Variants in KCNIP1 observed in about 807,000 individuals in gnomAD.
KCNIP1 encodes A-type potassium channel modulatory protein KCNIP1.
A neutral mutation model predicts 33.0 loss-of-function variants in KCNIP1; 18 were observed. The observed-to-expected ratio is 0.55, with a 90% CI of 0.38 to 0.81. KCNIP1 has a LOEUF of 0.81. Among genes scored for constraint, KCNIP1 ranks in the 30% least tolerant of loss-of-function variants. KCNIP1 has a pLI of 0.00. For missense variants in KCNIP1, 238 were observed against 271.6 expected (o/e 0.88, Z 0.87); for synonymous variants, 93 against 98.3 (o/e 0.95, Z 0.32).
intron 1 of KCNIP1, among the ~76,000 whole-genome samples, chr5:170,569,898 A>G (rs1424340843): frequency 6.6e-6 from 1 of 152,190 alleles, no homozygotes; most frequent in Non-Finnish European, 1.5e-5. Context: ...AAAGGAAGCA[A>G]TTTAGCATGG....
chr5:170,590,811 C>G (rs750044144), intron 1 of KCNIP1, among the ~76,000 whole-genome samples: 2 of 152,222 alleles, frequency 1.3e-5, no homozygotes, highest in Non-Finnish European at 2.9e-5. Context: ...CAGTGCAGCT[C>G]AGAGTGGATG....
At chr5:170,387,964 G>A (rs1764545525) in intron 1 of KCNIP1, among the ~76,000 whole-genome samples, 1 of 152,232 alleles carries the variant, frequency 6.6e-6, no homozygotes, top group Non-Finnish European at 1.5e-5. Flanking sequence ...TTCTCTCCTG[G>A]GGGAACTGGA....
At chr5:170,668,960 T>C (rs1761814202) in intron 1 of KCNIP1, among the ~76,000 whole-genome samples, 1 of 152,168 alleles carries the variant, frequency 6.6e-6, no homozygotes, top group Admixed American at 6.5e-5. Flanking sequence ...CCACTAGTCT[T>C]ACCTTCTTGG....
At chr5:170,715,427 T>G (rs1459081271) in intron 1 of KCNIP1, among the ~76,000 whole-genome samples, 1 of 152,150 alleles carries the variant, frequency 6.6e-6, no homozygotes, top group East Asian at 1.9e-4. Context: ...CATTCCACAC[T>G]CAGAAGAGTC....
At chr5:170,401,149 C>T (rs572454955) in intron 1 of KCNIP1, among the ~76,000 whole-genome samples, 1 of 152,186 alleles carries the variant, frequency 6.6e-6, no homozygotes, top group African/African-American at 2.4e-5. Flanking sequence ...GAGCCAGGAC[C>T]TTGTGCCTGA....
chr5:170,660,303 T>C (rs1761424641), intron 1 of KCNIP1, among the ~76,000 whole-genome samples: 1 of 150,868 alleles, frequency 6.6e-6, no homozygotes, highest in Non-Finnish European at 1.5e-5. Flanking sequence ...CCTCAAGATA[T>C]AATAAAAACC....
intron 1 of KCNIP1, among the ~76,000 whole-genome samples, chr5:170,596,404 C>T (rs942987634): frequency 3.3e-5 from 5 of 152,198 alleles, no homozygotes; most frequent in African/African-American, 9.7e-5. Flanking sequence ...TAGAGACCCA[C>T]GCCAGACTGC....
intron 1 of KCNIP1, among the ~76,000 whole-genome samples, chr5:170,521,645 C>G (rs1050463878): frequency 6.6e-6 from 1 of 152,170 alleles, no homozygotes; most frequent in African/African-American, 2.4e-5. Context: ...ACAGCATGCA[C>G]CATCGGCCAC....
intron 1 of KCNIP1, among the ~76,000 whole-genome samples, chr5:170,704,933 T>G (rs1763207987): frequency 6.6e-6 from 1 of 152,180 alleles, no homozygotes; most frequent in Non-Finnish European, 1.5e-5. Context: ...CTTTTTATGA[T>G]GGTTTCATTT....
At chr5:170,362,016 GC>G (rs1337893477) in intron 1 of KCNIP1, among the ~76,000 whole-genome samples, 1 of 152,150 alleles carries the variant, frequency 6.6e-6, no homozygotes, top group African/African-American at 2.4e-5. Flanking sequence ...GATTTCAAAG[GC>G]CTCTTTCAGC....
At chr5:170,419,740 T>C (rs941387661) in intron 1 of KCNIP1, among the ~76,000 whole-genome samples, 2 of 152,258 alleles carry the variant, frequency 1.3e-5, no homozygotes, top group African/African-American at 4.8e-5. Flanking sequence ...CTGTTAATAA[T>C]TGCATTGGGA....
intron 1 of KCNIP1, among the ~76,000 whole-genome samples, chr5:170,429,584 C>A (rs1755695624): frequency 6.6e-6 from 1 of 152,052 alleles, no homozygotes; most frequent in Non-Finnish European, 1.5e-5. Context: ...ATATTGTACC[C>A]ATCAACTAAT....
chr5:170,651,190 G>C (rs1223757640), intron 1 of KCNIP1, among the ~76,000 whole-genome samples: 1 of 152,120 alleles, frequency 6.6e-6, no homozygotes, highest in African/African-American at 2.4e-5. Context: ...TAACAGTCAG[G>C]GCTCCCAGAG....
chr5:170,630,156 AGAG>A (rs1455452269), intron 1 of KCNIP1, among the ~76,000 whole-genome samples: 3 of 151,940 alleles, frequency 2.0e-5, no homozygotes, highest in Non-Finnish European at 4.4e-5. Context: ...CGAGGGATAC[AGAG>A]AAGATCTAGG....
chr5:170,383,633 C>T, intron 1 of KCNIP1: 2 of 1,605,528 alleles, frequency 1.2e-6, no homozygotes, highest in Non-Finnish European at 1.7e-6. Context: ...GGCTCACACA[C>T]CTGACAGGGA....
chr5:170,366,180 A>G (rs192392744), intron 1 of KCNIP1, among the ~76,000 whole-genome samples: 10 of 152,238 alleles, frequency 6.6e-5, no homozygotes, highest in Non-Finnish European at 1.2e-4. Flanking sequence ...CAAGCTCTTC[A>G]TGTCCAGAAC....
intron 5 of KCNIP1, among the ~76,000 whole-genome samples, chr5:170,727,812 G>T (rs187049470): frequency 6.6e-6 from 1 of 151,730 alleles, no homozygotes; most frequent in African/African-American, 2.4e-5. Flanking sequence ...GTAGTGGCAC[G>T]TGCCTGTGCT....
intron 1 of KCNIP1, among the ~76,000 whole-genome samples, chr5:170,608,497 C>T (rs1400462893): frequency 2.6e-5 from 4 of 152,194 alleles, no homozygotes; most frequent in Admixed American, 1.3e-4. Context: ...CAAGGCTGGG[C>T]GCAGTGGCTC....
At chr5:170,385,262 C>T (rs1764416970) in intron 1 of KCNIP1, 3 of 1,607,184 alleles carry the variant, frequency 1.9e-6, no homozygotes, top group Non-Finnish European at 1.7e-6. Flanking sequence ...CTTACAGATG[C>T]CAGACCCTTA....
Sources: gnomAD v4.1 joint callset for allele counts (sites outside exome capture counted in the v4.1 genomes callset) on GRCh38, gnomAD v4.1.1 for gene constraint, MANE v1.5 for transcripts, NCBI Gene and HGNC (gene_info 2026-07-23, HGNC 2026-07-21) for gene names.